The following MSRA variants were observed in gnomAD, a reference collection of about 807,000 sequenced individuals.
MSRA encodes methionine sulfoxide reductase A, also known as mitochondrial peptide methionine sulfoxide reductase.
MSRA carries 54 observed loss-of-function variants against 31.3 expected under a neutral mutation model. The observed-to-expected ratio is 1.73, with a 90% CI of 1.39 to 2.17. The LOEUF (loss-of-function observed/expected upper bound fraction) is 2.17. Among genes scored for constraint, MSRA ranks in the 30% most tolerant of loss-of-function variants. The pLI is 0.00. For synonymous variants in MSRA, 169 were observed against 116.5 expected, an observed-to-expected ratio of 1.45 and a Z score of -2.90; for missense variants, 507 against 300.9, an observed-to-expected ratio of 1.69 and a Z score of -5.07.
rs568908442 is a variant in MSRA, at chr8:10,212,982, C to A, written c.211+5081C>A. On this transcript the variant is annotated intron_variant, in intron 2 of 5. Coordinates refer to ENST00000317173, the MANE Select transcript of MSRA (RefSeq NM_012331.5). ...ATATAGGCATGCAGTATGTAATAAT[C>A]ACATCATGGAAATGGGGTGTCTGTC... Among the ~76,000 whole-genome samples, 60 of 152,222 alleles carry A rather than the reference C, an allele frequency of 3.9e-4. No homozygotes were observed. The East Asian group carries it at 6.8e-3, about 17-fold the overall frequency.
chr8:10,211,623 C>T (rs897661981), intron 2 of MSRA, among the ~76,000 whole-genome samples: 2 of 152,116 alleles, frequency 1.3e-5, no homozygotes, highest in Admixed American at 6.5e-5. Flanking sequence ...AGAGCGCCCG[C>T]CCTGTGTAGT....
At chr8:10,188,306 A>G (rs1807226450) in intron 1 of MSRA, among the ~76,000 whole-genome samples, 1 of 152,216 alleles carries the variant, frequency 6.6e-6, no homozygotes, top group Non-Finnish European at 1.5e-5. Context: ...GGATTTGTGT[A>G]ACACAGATCT....
At chr8:10,422,849 C>G (rs1808895312) in intron 5 of MSRA, among the ~76,000 whole-genome samples, 1 of 152,214 alleles carries the variant, frequency 6.6e-6, no homozygotes, top group Non-Finnish European at 1.5e-5. Flanking sequence ...TTGAACCAAT[C>G]TAGGCAGTTA....
intron 2 of MSRA, among the ~76,000 whole-genome samples, chr8:10,225,459 A>G (rs1003974285): frequency 4.6e-5 from 7 of 152,246 alleles, no homozygotes; most frequent in Non-Finnish European, 8.8e-5. Flanking sequence ...AGCCCTGAAT[A>G]TAAATACTTG....
chr8:10,077,966 C>T (rs1167327710), intron 1 of MSRA, among the ~76,000 whole-genome samples: 1 of 152,170 alleles, frequency 6.6e-6, no homozygotes, highest in Non-Finnish European at 1.5e-5. Context: ...AAAATATTCA[C>T]TAATATTTTC....
intron 5 of MSRA, among the ~76,000 whole-genome samples, chr8:10,368,931 T>C (rs895556856): frequency 7.2e-5 from 11 of 152,166 alleles, no homozygotes; most frequent in African/African-American, 2.4e-4. Context: ...CTCCAAGAGC[T>C]TAGCAAGAAA....
At chr8:10,093,749 G>C (rs1387047739) in intron 1 of MSRA, among the ~76,000 whole-genome samples, 3 of 152,062 alleles carry the variant, frequency 2.0e-5, no homozygotes, top group South Asian at 2.1e-4. Flanking sequence ...TTACTGTCTA[G>C]TGTCTTTTCA....
intron 1 of MSRA, among the ~76,000 whole-genome samples, chr8:10,110,457 A>G (rs959077828): frequency 6.6e-6 from 1 of 152,178 alleles, no homozygotes; most frequent in Non-Finnish European, 1.5e-5. Context: ...GCTGGCTGGA[A>G]GTGGGGTGCA....
intron 2 of MSRA, among the ~76,000 whole-genome samples, chr8:10,219,250 A>G (rs1810269527): frequency 6.6e-6 from 1 of 152,196 alleles, no homozygotes. Flanking sequence ...GCCTCTGCTT[A>G]ATATCGTGAA....
intron 1 of MSRA, among the ~76,000 whole-genome samples, chr8:10,102,074 T>G (rs1327849732): frequency 6.6e-6 from 1 of 152,242 alleles, no homozygotes; most frequent in Non-Finnish European, 1.5e-5. Flanking sequence ...TGCTGTGTCC[T>G]TAGTTTTCAA....
intron 2 of MSRA, among the ~76,000 whole-genome samples, chr8:10,236,047 AG>A (rs1333137838): frequency 6.6e-6 from 1 of 152,188 alleles, no homozygotes; most frequent in East Asian, 1.9e-4. Flanking sequence ...TCATCTCAGA[AG>A]AAAGCATGCA....
chr8:10,360,498 T>A (rs1298192122), intron 5 of MSRA, among the ~76,000 whole-genome samples: 1 of 152,178 alleles, frequency 6.6e-6, no homozygotes, highest in African/African-American at 2.4e-5. Context: ...ATTGGAAGGA[T>A]CTCATTGTAG....
At chr8:10,347,008 A>C (rs1249899981) in intron 5 of MSRA, among the ~76,000 whole-genome samples, 1 of 152,098 alleles carries the variant, frequency 6.6e-6, no homozygotes, top group East Asian at 1.9e-4. Context: ...CCCTGTCCTC[A>C]CAGACCCTCT....
At chr8:10,197,525 G>A (rs1284675841) in intron 1 of MSRA, among the ~76,000 whole-genome samples, 2 of 152,096 alleles carry the variant, frequency 1.3e-5, no homozygotes, top group East Asian at 3.9e-4. Context: ...CTGGAGAGAG[G>A]GCCAGGGTTG....
At chr8:10,114,284 G>A (rs1218484862) in intron 1 of MSRA, among the ~76,000 whole-genome samples, 1 of 152,172 alleles carries the variant, frequency 6.6e-6, no homozygotes, top group Non-Finnish European at 1.5e-5. Context: ...CTCGAATAAT[G>A]TTGCTGTGAA....
At chr8:10,419,239 G>A (rs144510063) in intron 5 of MSRA, among the ~76,000 whole-genome samples, 38 of 152,254 alleles carry the variant, frequency 2.5e-4, no homozygotes, top group African/African-American at 8.4e-4. Flanking sequence ...TCGGCATCCT[G>A]GGGGCTTCCT....
intron 5 of MSRA, among the ~76,000 whole-genome samples, chr8:10,390,010 C>G (rs1243655992): frequency 6.6e-6 from 1 of 151,866 alleles, no homozygotes; most frequent in African/African-American, 2.4e-5. Flanking sequence ...CCAGGTCAGA[C>G]TCTGCTTCTG....
chr8:10,278,594 T>C (rs145898890), intron 3 of MSRA, among the ~76,000 whole-genome samples: 79 of 152,336 alleles, frequency 5.2e-4, no homozygotes, highest in African/African-American at 1.6e-3. Flanking sequence ...GGCTCAGCTA[T>C]GGTGCACCTC....
rs994864579 is a variant in MSRA at position 10,358,791 on chromosome 8, A to G, written c.543+38802A>G. ...GTATTTTTAGTAGAGACGGGGTTTC[A>G]CCGTTTTAGCCGGGATGGTCTCGAT... On this transcript the variant is annotated intron_variant, in intron 5 of 5. Transcript: ENST00000317173. 4.8e-5 allele frequency among the ~76,000 whole-genome samples: 7 copies of G among 147,234 alleles called. No individual in the cohort carries two copies. The East Asian group carries it at 1.4e-3, about 29-fold the overall frequency.
Sources: gnomAD v4.1 joint callset for allele counts (sites outside exome capture counted in the v4.1 genomes callset) on GRCh38, gnomAD v4.1.1 for gene constraint, MANE v1.5 for transcripts, NCBI Gene and HGNC (gene_info 2026-07-23, HGNC 2026-07-21) for gene names.